The following PCDH7 variants were observed in gnomAD, a reference collection of about 807,000 sequenced individuals.
The protein encoded by PCDH7 is protocadherin-7.
Under a neutral mutation model 58.9 loss-of-function variants are expected in PCDH7, and 17 were observed. The ratio of observed to expected loss-of-function variants is 0.29; its 90% confidence interval spans 0.20 to 0.43. PCDH7 has a LOEUF of 0.43. PCDH7 is among the 20% of genes least tolerant of loss of function. The pLI, the probability that PCDH7 is intolerant of heterozygous loss-of-function variation, is 1.00. For synonymous variants in PCDH7, 664 were observed against 616.4 expected (o/e 1.08, Z -1.14); for missense variants, 1,274 against 1,441.0 (o/e 0.88, Z 1.88).
At chr4:30,863,350 G>A (rs1264870679) in intron 1 of PCDH7, among the ~76,000 whole-genome samples, 1 of 151,976 alleles carries the variant, frequency 6.6e-6, no homozygotes, top group Non-Finnish European at 1.5e-5. Context: ...GAAACATTTG[G>A]TGATGTCTGG....
At chr4:31,007,490 T>C (rs1184818321) in intron 3 of PCDH7, among the ~76,000 whole-genome samples, 1 of 152,142 alleles carries the variant, frequency 6.6e-6, no homozygotes. Flanking sequence ...TATACAATTT[T>C]AGTATAAAAT....
chr4:30,913,938 G>A (rs984486881), intron 1 of PCDH7, among the ~76,000 whole-genome samples: 8 of 152,106 alleles, frequency 5.3e-5, no homozygotes, highest in African/African-American at 1.9e-4. Context: ...GTCCTTTTAA[G>A]TCTCTGAGAT....
intron 3 of PCDH7, among the ~76,000 whole-genome samples, chr4:30,959,556 C>T (rs1748189069): frequency 6.6e-6 from 1 of 152,186 alleles, no homozygotes; most frequent in African/African-American, 2.4e-5. Context: ...ATAGTTTGCA[C>T]AGAAGTATGT....
chr4:30,874,005 T>C (rs780789811), intron 1 of PCDH7, among the ~76,000 whole-genome samples: 5 of 152,092 alleles, frequency 3.3e-5, no homozygotes, highest in Non-Finnish European at 5.9e-5. Flanking sequence ...AATTTTTAAA[T>C]AGTGAAATTG....
chr4:31,084,310 G>A (rs1215210342), intron 3 of PCDH7, among the ~76,000 whole-genome samples: 1 of 152,130 alleles, frequency 6.6e-6, no homozygotes, highest in African/African-American at 2.4e-5. Flanking sequence ...TAGATTATAG[G>A]TTCATTTGTA....
Position 30,827,396 on chromosome 4 carries a change from T to C in PCDH7, c.71-92757T>C, listed in dbSNP as rs1729238184. Among the ~76,000 whole-genome samples the C allele has an allele frequency of 1.3e-5, 2 of 152,176 alleles. 1 individual carries two copies. The highest frequency in any genetic ancestry group is 4.1e-4 in the South Asian group (2 of 4,830). On this transcript the variant is annotated intron_variant, in intron 1 of 3. Transcript: ENST00000509759. Reference sequence around the variant, plus strand: ...TGGGACACAAACCCAAGTCTCTGTCTGTAAAGACTATTATTTGTTTTTCAA... The same window carrying C: ...TGGGACACAAACCCAAGTCTCTGTCCGTAAAGACTATTATTTGTTTTTCAA...
chr4:30,869,006 G>A (rs940695844), intron 1 of PCDH7: 3 of 152,054 alleles, frequency 2.0e-5, no homozygotes, highest in African/African-American at 7.2e-5. Context: ...ATGTTATCAA[G>A]CATTCTTTTT....
intron 3 of PCDH7, among the ~76,000 whole-genome samples, chr4:31,033,188 T>G (rs1166144798): frequency 6.9e-6 from 1 of 144,400 alleles, no homozygotes; most frequent in Non-Finnish European, 1.5e-5. Flanking sequence ...CCAATAGAAA[T>G]GTACGTTTGT....
intron 3 of PCDH7, among the ~76,000 whole-genome samples, chr4:31,068,382 G>A (rs1408536386): frequency 6.6e-6 from 1 of 151,816 alleles, no homozygotes; most frequent in Non-Finnish European, 1.5e-5. Flanking sequence ...CATTGTTGCT[G>A]TACAAAAATT....
chr4:31,122,014 T>G (rs113137308), intron 3 of PCDH7, among the ~76,000 whole-genome samples: 4 of 152,218 alleles, frequency 2.6e-5, no homozygotes, highest in African/African-American at 9.6e-5. Flanking sequence ...GATTTTATTT[T>G]TTTTTTCCCC....
At chr4:30,766,078 A>G (rs1720707832) in intron 1 of PCDH7, among the ~76,000 whole-genome samples, 1 of 150,968 alleles carries the variant, frequency 6.6e-6, no homozygotes, top group African/African-American at 2.5e-5. Flanking sequence ...GGCTGGGGAC[A>G]CTGTGCCAGA....
chr4:31,114,622 C>G (rs112440533), intron 3 of PCDH7, among the ~76,000 whole-genome samples: 127 of 130,058 alleles, frequency 9.8e-4, no homozygotes, highest in African/African-American at 3.7e-3. Context: ...TGCACACACT[C>G]ACACATACAA....
downstream of PCDH7, among the ~76,000 whole-genome samples, chr4:30,735,808 G>T (rs1190984521): frequency 6.6e-6 from 1 of 152,184 alleles, no homozygotes; most frequent in Admixed American, 6.5e-5. Flanking sequence ...TTGGGCCAGG[G>T]CCTTGGTGAC....
At chr4:31,107,159 T>C (rs1715677853) in intron 3 of PCDH7, among the ~76,000 whole-genome samples, 1 of 152,154 alleles carries the variant, frequency 6.6e-6, no homozygotes, top group Non-Finnish European at 1.5e-5. Context: ...CAAAGCAGGG[T>C]ATATATCTGA....
intron 3 of PCDH7, among the ~76,000 whole-genome samples, chr4:31,063,582 G>C (rs543724925): frequency 6.6e-6 from 1 of 151,758 alleles, no homozygotes; most frequent in Non-Finnish European, 1.5e-5. Context: ...CATCCCCCAA[G>C]TTAAGTAACT....
intron 3 of PCDH7, among the ~76,000 whole-genome samples, chr4:31,105,880 G>A (rs1180132699): frequency 1.3e-5 from 2 of 151,842 alleles, no homozygotes; most frequent in African/African-American, 2.4e-5. Flanking sequence ...GGTGGCGGGC[G>A]CCTGTAGTCC....
At chr4:30,964,311 G>A (rs376071008) in intron 3 of PCDH7, among the ~76,000 whole-genome samples, 5 of 150,608 alleles carry the variant, frequency 3.3e-5, no homozygotes, top group Non-Finnish European at 2.9e-5. Flanking sequence ...GCCTGATCTC[G>A]GCTCACTGCA....
chr4:30,796,788 A>G (rs1724832812), intron 1 of PCDH7, among the ~76,000 whole-genome samples: 1 of 152,058 alleles, frequency 6.6e-6, no homozygotes, highest in African/African-American at 2.4e-5. Flanking sequence ...TCTATTTTCC[A>G]ACTAAATCTT....
intron 3 of PCDH7, among the ~76,000 whole-genome samples, chr4:31,083,525 A>T (rs907882142): frequency 6.6e-6 from 1 of 152,082 alleles, no homozygotes; most frequent in East Asian, 1.9e-4. Flanking sequence ...TTTTTGCCAT[A>T]CTCTTAAAAA....
Sources: gnomAD v4.1 joint callset for allele counts (sites outside exome capture counted in the v4.1 genomes callset) on GRCh38, gnomAD v4.1.1 for gene constraint, MANE v1.5 for transcripts, NCBI Gene and HGNC (gene_info 2026-07-23, HGNC 2026-07-21) for gene names.